FLRT1: variants seen among roughly 807,000 people sequenced by gnomAD.
FLRT1 encodes leucine-rich repeat transmembrane protein FLRT1.
Under a neutral mutation model 30.9 loss-of-function variants are expected in FLRT1, and 14 were observed. The ratio of observed to expected loss-of-function variants is 0.45; its 90% CI spans 0.30 to 0.71. FLRT1 has a LOEUF of 0.71. Ranked by LOEUF, FLRT1 falls within the 30% of genes least tolerant of loss-of-function variation. FLRT1 has a pLI of 0.08. For missense variants in FLRT1, 737 were observed against 949.2 expected (o/e 0.78, Z 2.94); for synonymous variants, 368 against 430.4 (o/e 0.85, Z 1.80).
chr11:64,118,241 G>A lies in FLRT1; in HGVS notation c.1974G>A (p.Thr658=), dbSNP rs764056550. 2.7e-5 allele frequency: 43 copies of A among 1,608,076 alleles called. No homozygotes were observed. Among genetic ancestry groups the A allele is most frequent in the Middle Eastern group, 1.7e-4 (1 of 6,044 alleles). Residue 658 remains threonine, a synonymous_variant, in exon 3 of 3, where the codon ACG becomes ACA. Coordinates refer to ENST00000682287, the MANE Select transcript of FLRT1 (RefSeq NM_013280.5). ...CACACACCATTGGCTACGGCACCACGCGGGGCTACCGGGACGGCGGCATCC... is the reference window on the plus strand; with the variant it reads ...CACACACCATTGGCTACGGCACCACACGGGGCTACCGGGACGGCGGCATCC... ...KATHTIGYGT[T]RGYRDGGIPD... is the part of the protein sequence containing the mutation.
intron 1 of FLRT1, among the ~76,000 whole-genome samples, chr11:64,068,995 G>A (rs996095574): frequency 2.6e-5 from 4 of 152,308 alleles, no homozygotes; most frequent in African/African-American, 9.6e-5. Context: ...TCCTGATAGT[G>A]CCACTCACTA....
chr11:64,088,910 G>A (rs1466611887), intron 1 of FLRT1, among the ~76,000 whole-genome samples: 3 of 152,136 alleles, frequency 2.0e-5, no homozygotes, highest in Non-Finnish European at 4.4e-5. Flanking sequence ...AAAGTCATGG[G>A]CGGGGTTAGG....
At chr11:64,110,942 C>T (rs1590923247) in intron 2 of FLRT1, among the ~76,000 whole-genome samples, 2 of 152,208 alleles carry the variant, frequency 1.3e-5, no homozygotes, top group African/African-American at 4.8e-5. Context: ...GGCTCAGCCT[C>T]GGGCTGGCCT....
chr11:64,118,299 C>T lies in FLRT1; in HGVS notation c.*7C>T, dbSNP rs763052835. The T allele has an allele frequency of 2.6e-6, 4 of 1,543,558 alleles. No homozygotes were observed. The highest frequency in any genetic ancestry group is 3.7e-5 in the Admixed American group (2 of 53,694). ...AGACTACTCCTACACATGATGCCCG[C>T]CCACCCGGGCTGCCCCGCCTCAGCC... is the stretch of plus-strand genomic sequence containing the variant. On this transcript the variant is annotated 3_prime_UTR_variant, in exon 3 of 3. Transcript: ENST00000682287.
chr11:64,037,583 G>A (rs1038206584), intron 1 of FLRT1, among the ~76,000 whole-genome samples: 2 of 152,178 alleles, frequency 1.3e-5, no homozygotes, highest in Admixed American at 1.3e-4. Flanking sequence ...CCTGGTAGGT[G>A]TGAGGGGCAG....
chr11:64,046,220 C>T lies in FLRT1; in HGVS notation c.-1038+10061C>T, dbSNP rs116344980. On this transcript the variant is annotated intron_variant, in intron 1 of 2. Transcript: ENST00000682287. Reference sequence around the variant, plus strand: ...CAGAGCAGCCGACTCCCACTGGGTCCCCAGTCCCTCTCATCCAAAGTGAGG... The same window carrying T: ...CAGAGCAGCCGACTCCCACTGGGTCTCCAGTCCCTCTCATCCAAAGTGAGG... Among the ~76,000 whole-genome samples, 1,339 of 152,258 alleles carry T rather than the reference C, an allele frequency of 8.8e-3. 23 individuals are homozygous for T. Among genetic ancestry groups the T allele is most frequent in the African/African-American group, 0.031 (1,272 of 41,558 alleles).
chr11:64,100,886 G>A (rs1318828572), intron 1 of FLRT1, among the ~76,000 whole-genome samples: 2 of 152,172 alleles, frequency 1.3e-5, no homozygotes, highest in Non-Finnish European at 2.9e-5. Flanking sequence ...CAGGGAAGGT[G>A]GACTGAGGAC....
At chr11:64,105,678 T>G (rs1944749913) in intron 2 of FLRT1, among the ~76,000 whole-genome samples, 1 of 152,152 alleles carries the variant, frequency 6.6e-6, no homozygotes, top group African/African-American at 2.4e-5. Flanking sequence ...GCTGCAGACA[T>G]GCTGGTGGAG....
At chr11:64,047,212 G>T (rs1943600808) in intron 1 of FLRT1, among the ~76,000 whole-genome samples, 1 of 152,134 alleles carries the variant, frequency 6.6e-6, no homozygotes, top group Admixed American at 6.5e-5. Context: ...CCCCAGAGAG[G>T]TGCTGCTGAA....
chr11:64,064,015 A>G lies in FLRT1; in HGVS notation c.-1038+27856A>G, dbSNP rs1344978638. Among the ~76,000 whole-genome samples the G allele has an allele frequency of 3.3e-5, 5 of 152,116 alleles. No homozygotes were observed. The highest frequency in any genetic ancestry group is 5.9e-5 in the Non-Finnish European group (4 of 68,034). ...CCTCTTGTCAGGCAGCCGCAGGGAG[A>G]GAGCGCATCTTCACTGGATCTTTGT... is the stretch of plus-strand genomic sequence containing the variant. On this transcript the variant is annotated intron_variant, in intron 1 of 2. Transcript: ENST00000682287. The surrounding 1 kb of genome is among the most constrained non-coding windows in gnomAD (Gnocchi z 4.5).
rs1348601709 is a variant in FLRT1, at chr11:64,043,875, A to G, written c.-1038+7716A>G. Among the ~76,000 whole-genome samples, 3 of 150,708 alleles carry G rather than the reference A, an allele frequency of 2.0e-5. No individual in the cohort carries two copies. In the South Asian group the frequency reaches 6.3e-4, roughly 32 times the overall value. On this transcript the variant is annotated intron_variant, in intron 1 of 2. Coordinates refer to ENST00000682287, the MANE Select transcript of FLRT1 (RefSeq NM_013280.5). ...TGCCCAGACTGGAGTGCGATGGTGCAATCTGGGCTCACAGCAACCTCTGTC... is the reference window on the plus strand; with the variant it reads ...TGCCCAGACTGGAGTGCGATGGTGCGATCTGGGCTCACAGCAACCTCTGTC...
chr11:64,058,398 G>T (rs548724652), intron 1 of FLRT1, among the ~76,000 whole-genome samples: 1 of 151,930 alleles, frequency 6.6e-6, no homozygotes, highest in South Asian at 2.1e-4. Context: ...CAGGTGAGGA[G>T]GGCTTGGGGG....
At chr11:64,094,056 G>A (rs1025922132) in intron 1 of FLRT1, among the ~76,000 whole-genome samples, 3 of 152,214 alleles carry the variant, frequency 2.0e-5, no homozygotes, top group Admixed American at 1.3e-4. Context: ...CAGCACTTTG[G>A]GAGGCCAAGC....
chr11:64,037,373 C>A (rs1477450766), intron 1 of FLRT1, among the ~76,000 whole-genome samples: 3 of 151,890 alleles, frequency 2.0e-5, no homozygotes. Context: ...GCTCCAGATT[C>A]CAGTTTCTGG....
chr11:64,071,361 G>C (rs1283743047), intron 1 of FLRT1, among the ~76,000 whole-genome samples: 1 of 152,176 alleles, frequency 6.6e-6, no homozygotes, highest in African/African-American at 2.4e-5. Flanking sequence ...GCCCAGCACA[G>C]AGCAGCTCTC....
At chr11:64,111,977 T>C (rs1018899843) in intron 2 of FLRT1, among the ~76,000 whole-genome samples, 6 of 152,060 alleles carry the variant, frequency 3.9e-5, no homozygotes, top group African/African-American at 1.4e-4. Context: ...CCCTCAGCAG[T>C]GTGGAGTCAA....
chr11:64,118,209 A>C lies in FLRT1; in HGVS notation c.1942A>C (p.Lys648Gln). 6.2e-7 allele frequency: 1 copy of C among 1,613,350 alleles called. No individual in the cohort carries two copies. Among genetic ancestry groups the C allele is most frequent in the Non-Finnish European group, 8.5e-7 (1 of 1,179,876 alleles). ...IFPSNGSSLCKATHTIGYGTT... is the reference protein window; with the variant it reads ...IFPSNGSSLCQATHTIGYGTT... ...CCCCTCCAACGGCAGCAGCCTCTGC[A>C]AGGCCACACACACCATTGGCTACGG... The change falls in exon 3 of 3, where the codon AAG (lysine) becomes CAG (glutamine). Residue 648 changes from lysine (K) to glutamine (Q), a missense_variant. Lys to Gln is a moderately conservative substitution (Grantham distance 53). Coordinates refer to ENST00000682287, the MANE Select transcript of FLRT1 (RefSeq NM_013280.5).
At chr11:64,110,390 C>T (rs1477434657) in intron 2 of FLRT1, among the ~76,000 whole-genome samples, 2 of 150,950 alleles carry the variant, frequency 1.3e-5, no homozygotes, top group African/African-American at 4.9e-5. Context: ...GTCGAGGCTG[C>T]AGTGAGCCGT....
At chr11:64,089,958 G>A (rs1316787034) in intron 1 of FLRT1, among the ~76,000 whole-genome samples, 1 of 152,196 alleles carries the variant, frequency 6.6e-6, no homozygotes, top group Admixed American at 6.5e-5. Context: ...TAAAGTGAGA[G>A]GATTGGATAA....
Sources: allele counts gnomAD v4.1 joint callset (sites outside exome capture counted in the v4.1 genomes callset), GRCh38; gene constraint gnomAD v4.1.1; non-coding constraint Gnocchi (gnomAD v3.1); transcripts MANE v1.5; gene names NCBI Gene and HGNC (gene_info 2026-07-23, HGNC 2026-07-21).